Variants in DAB2IP observed in about 807,000 individuals in gnomAD.
The protein encoded by DAB2IP is disabled homolog 2-interacting protein.
A neutral mutation model predicts 107.2 loss-of-function variants in DAB2IP; 28 were observed. The observed-to-expected ratio is 0.26, with a 90% confidence interval of 0.19 to 0.36. The LOEUF (loss-of-function observed/expected upper bound fraction) is 0.36. DAB2IP is among the 10% of genes least tolerant of loss of function. The probability of loss-of-function intolerance (pLI) is 1.00; values close to 1 mark genes in which losing one functional copy is unlikely to be tolerated. For synonymous variants in DAB2IP, 755 were observed against 706.4 expected (o/e 1.07, Z -1.09); for missense variants, 1,400 against 1,644.7 (o/e 0.85, Z 2.57).
At chr9:121,781,051 G>A (rs955636636) in intron 14 of DAB2IP, among the ~76,000 whole-genome samples, 8 of 152,188 alleles carry the variant, frequency 5.3e-5, no homozygotes, top group South Asian at 2.1e-4. Flanking sequence ...TTGGCACCTC[G>A]CGTACAACTT....
At chr9:121,781,917 G>T (rs943028629) in intron 15 of DAB2IP, among the ~76,000 whole-genome samples, 1 of 152,182 alleles carries the variant, frequency 6.6e-6, no homozygotes, top group African/African-American at 2.4e-5. Flanking sequence ...GCATTGAGGG[G>T]AGACGTGAAA....
At chr9:121,689,991 C>T (rs1449477549) in intron 2 of DAB2IP, among the ~76,000 whole-genome samples, 3 of 152,232 alleles carry the variant, frequency 2.0e-5, no homozygotes, top group African/African-American at 4.8e-5. Context: ...CCTGACCGTG[C>T]GGTGCTGTGC....
intron 1 of DAB2IP, among the ~76,000 whole-genome samples, chr9:121,627,175 A>G (rs184548277): frequency 6.6e-6 from 1 of 151,880 alleles, no homozygotes; most frequent in Admixed American, 6.6e-5. Flanking sequence ...ACACAAGCAT[A>G]TGTAAGAATC....
In DAB2IP at chr9:121,651,613, A is replaced by G. The variant is rs942527794; in HGVS notation, c.-163A>G. ...TGCTCGGGGAGCGGGAGGGGGCAGG[A>G]GGCGGAGGAGGAGTTTGAGCGACTT... On this transcript the variant is annotated 5_prime_UTR_variant, in exon 1 of 16. Transcript: ENST00000408936. This position sits in a 1 kb window ranked among gnomAD's most constrained non-coding sequence, Gnocchi z 5.1. 1.1e-4 allele frequency: 110 copies of G among 1,020,052 alleles called. No homozygotes were observed. Among genetic ancestry groups the G allele is most frequent in the Non-Finnish European group, 1.3e-4 (108 of 846,388 alleles). 63.2% of individuals were successfully genotyped at this position (1,020,052 alleles called of 1,614,324 possible).
rs79017705 is a variant in DAB2IP at position 121,767,484 on chromosome 9, G to A, written c.1697+754G>A. ...TCCAGGGTGACATGATCCCCCAACT[G>A]CATGTCAGGGTGAGGCGTTCATTGT... On this transcript the variant is annotated intron_variant, in intron 9 of 15. Transcript: ENST00000408936. 4.9e-3 allele frequency among the ~76,000 whole-genome samples: 739 copies of A among 152,368 alleles called. 1 individual carries two copies. The highest frequency in any genetic ancestry group is 0.01 in the Middle Eastern group (3 of 294).
At chr9:121,606,768 T>C (rs374975478) in intron 1 of DAB2IP, among the ~76,000 whole-genome samples, 6 of 151,612 alleles carry the variant, frequency 4.0e-5, no homozygotes, top group Admixed American at 2.6e-4. Context: ...CAGCGTTCTT[T>C]GTTTTTTGTT....
intron 1 of DAB2IP, among the ~76,000 whole-genome samples, chr9:121,606,387 A>G (rs1424708609): frequency 7.3e-6 from 1 of 137,026 alleles, no homozygotes; most frequent in Non-Finnish European, 1.7e-5. Context: ...ATAATAATGT[A>G]TGCTACAGCA....
chr9:121,602,779 G>A (rs1277832029), intron 1 of DAB2IP, among the ~76,000 whole-genome samples: 3 of 152,156 alleles, frequency 2.0e-5, no homozygotes, highest in African/African-American at 4.8e-5. Context: ...GTTTCACTGT[G>A]TTAGCCAGGA....
intron 1 of DAB2IP, among the ~76,000 whole-genome samples, chr9:121,578,157 C>T (rs1437935866): frequency 6.6e-6 from 1 of 152,124 alleles, no homozygotes; most frequent in East Asian, 1.9e-4. Context: ...TGAGCCTCTT[C>T]TTTCAGACTT....
chr9:121,769,507 C>T (rs1433068429), intron 10 of DAB2IP, among the ~76,000 whole-genome samples: 2 of 152,240 alleles, frequency 1.3e-5, no homozygotes, highest in Non-Finnish European at 2.9e-5. Flanking sequence ...CCACCACCCC[C>T]AGGGACTTTT....
At chr9:121,758,186 G>C (rs1360316614) in intron 4 of DAB2IP, among the ~76,000 whole-genome samples, 2 of 152,176 alleles carry the variant, frequency 1.3e-5, no homozygotes, top group Non-Finnish European at 2.9e-5. Flanking sequence ...CGGGTCTGCT[G>C]CTGGGGACAG....
At chr9:121,603,027 C>G (rs1394683812) in intron 1 of DAB2IP, among the ~76,000 whole-genome samples, 1 of 152,204 alleles carries the variant, frequency 6.6e-6, no homozygotes, top group Non-Finnish European at 1.5e-5. Context: ...TTTTTTCACC[C>G]AGAGTGGTGA....
At chr9:121,778,322 C>A (rs1478226794) in intron 14 of DAB2IP, among the ~76,000 whole-genome samples, 3 of 152,148 alleles carry the variant, frequency 2.0e-5, no homozygotes, top group Non-Finnish European at 2.9e-5. Context: ...TAGGTGTCAA[C>A]ATATGAATTT....
chr9:121,595,233 T>G (rs1372892217), intron 1 of DAB2IP, among the ~76,000 whole-genome samples: 1 of 151,672 alleles, frequency 6.6e-6, no homozygotes, highest in Non-Finnish European at 1.5e-5. Context: ...CATGACTCTC[T>G]GCACCTTAAA....
rs4410975 is a variant in DAB2IP at position 121,775,191 on chromosome 9, G to A, written c.3120+779G>A. On this transcript the variant is annotated intron_variant, in intron 13 of 15. Transcript: ENST00000408936. ...CAGCGCAGGCCCCAGAACGGCAGGC[G>A]CTTCTCCACTCCCCTCTGGATGCTC... is the stretch of plus-strand genomic sequence containing the variant. Among the ~76,000 whole-genome samples the A allele has an allele frequency of 8.1e-3, 1,226 of 152,240 alleles. 10 individuals carry two copies. The highest frequency in any genetic ancestry group is 0.058 in the Middle Eastern group (17 of 294).
intron 1 of DAB2IP, among the ~76,000 whole-genome samples, chr9:121,571,340 C>T (rs111676583): frequency 6.6e-6 from 1 of 152,164 alleles, no homozygotes; most frequent in Admixed American, 6.5e-5. Flanking sequence ...AAGCATCCAA[C>T]AAATGCTTGT....
intron 6 of DAB2IP, among the ~76,000 whole-genome samples, chr9:121,761,973 A>T (rs77843389): frequency 0.031 from 4,715 of 152,198 alleles, 232 homozygotes; most frequent in African/African-American, 0.11. Context: ...AATGATAGGT[A>T]TGTCCAGGTG....
intron 3 of DAB2IP, among the ~76,000 whole-genome samples, chr9:121,709,997 C>T (rs184549357): frequency 3.0e-4 from 45 of 152,326 alleles, no homozygotes; most frequent in Non-Finnish European, 4.8e-4. Flanking sequence ...ACCCTCACAG[C>T]AGCCCGTGAG....
intron 3 of DAB2IP, among the ~76,000 whole-genome samples, chr9:121,724,608 C>T (rs1275613276): frequency 6.6e-6 from 1 of 152,236 alleles, no homozygotes; most frequent in African/African-American, 2.4e-5. Context: ...CACCTAGAAT[C>T]GGGCCTGACA....
Sources: gnomAD v4.1 joint callset for allele counts (sites outside exome capture counted in the v4.1 genomes callset) on GRCh38, gnomAD v4.1.1 for gene constraint, Gnocchi (gnomAD v3.1) non-coding constraint, MANE v1.5 for transcripts, NCBI Gene and HGNC (gene_info 2026-07-23, HGNC 2026-07-21) for gene names.